Variants in ADAMTS6 observed in about 807,000 individuals in gnomAD.
The protein encoded by ADAMTS6 is ADAM metallopeptidase with thrombospondin type 1 motif 6, also known as A disintegrin and metalloproteinase with thrombospondin motifs 6.
ADAMTS6 carries 23 observed loss-of-function variants against 144.3 expected under a neutral mutation model. The observed-to-expected ratio is 0.16, with a 90% CI of 0.11 to 0.23. The LOEUF (loss-of-function observed/expected upper bound fraction) is 0.23, where lower values mean the gene tolerates loss of function less well. ADAMTS6 is among the 10% of genes least tolerant of loss of function. The pLI, the probability that ADAMTS6 is intolerant of heterozygous loss-of-function variation, is 1.00. For missense variants in ADAMTS6, 999 were observed against 1,379.6 expected, an observed-to-expected ratio of 0.72 and a Z score of 4.37; for synonymous variants, 444 against 457.5, an observed-to-expected ratio of 0.97 and a Z score of 0.38.
intron 7 of ADAMTS6, among the ~76,000 whole-genome samples, chr5:65,446,782 C>T (rs1393083632): frequency 6.6e-6 from 1 of 152,054 alleles, no homozygotes; most frequent in Non-Finnish European, 1.5e-5. Context: ...AGTAGATTAG[C>T]AGTTGCTTAC....
At chr5:65,374,306 A>AG (rs1216216287) in intron 7 of ADAMTS6, among the ~76,000 whole-genome samples, 2 of 151,694 alleles carry the variant, frequency 1.3e-5, no homozygotes, top group Non-Finnish European at 2.9e-5. Context: ...TTAGGAAAAG[A>AG]GGAAGTCAAA....
intron 4 of ADAMTS6, 72 bp downstream of exon 4, chr5:65,460,098 T>C (rs1490012768): frequency 2.6e-6 from 4 of 1,520,794 alleles, no homozygotes; most frequent in Non-Finnish European, 3.5e-6. Flanking sequence ...CTAACCTTAC[T>C]ATACTTGCCA....
rs967386293 is a variant in ADAMTS6 at position 65,230,139 on chromosome 5, T to G, written c.1934-3920A>C. On this transcript the variant is annotated intron_variant, in intron 15 of 24. Coordinates refer to ENST00000381055, the MANE Select transcript of ADAMTS6 (RefSeq NM_197941.4). ...GACTACGATATAAAAAGATGTAGACTGTAACATGAAAAATATAAAATAGAA... is the reference window on the plus strand; with the variant it reads ...GACTACGATATAAAAAGATGTAGACGGTAACATGAAAAATATAAAATAGAA... Among the ~76,000 whole-genome samples the G allele has an allele frequency of 2.0e-5, 3 of 151,594 alleles. No homozygotes were observed. In the Admixed American group the frequency reaches 2.0e-4, roughly 10 times the overall value.
chr5:65,436,428 C>T (rs1390326054), intron 7 of ADAMTS6, among the ~76,000 whole-genome samples: 1 of 152,088 alleles, frequency 6.6e-6, no homozygotes, highest in Non-Finnish European at 1.5e-5. Flanking sequence ...TTTACCTTAG[C>T]GTGGAATCAT....
At chr5:65,320,572 T>G (rs1745516727) in intron 9 of ADAMTS6, among the ~76,000 whole-genome samples, 1 of 151,928 alleles carries the variant, frequency 6.6e-6, no homozygotes, top group East Asian at 1.9e-4. Flanking sequence ...TTTTTACTTT[T>G]AAGTTCAAGG....
intron 7 of ADAMTS6, among the ~76,000 whole-genome samples, chr5:65,422,231 T>C (rs1756107759): frequency 1.3e-5 from 2 of 152,112 alleles, no homozygotes; most frequent in Admixed American, 6.5e-5. Flanking sequence ...CAACAGGAAA[T>C]TGAAGATCAG....
At chr5:65,453,028 CAA>C (rs1195562992) in intron 4 of ADAMTS6, 110 bp from the exon 5 acceptor site, 4 of 819,308 alleles carry the variant, frequency 4.9e-6, no homozygotes, top group East Asian at 2.8e-5. Flanking sequence ...TAAGATTTTT[CAA>C]AGAGAAGAGA....
intron 11 of ADAMTS6, among the ~76,000 whole-genome samples, chr5:65,275,243 GGAAA>G (rs1167570676): frequency 6.8e-5 from 8 of 118,100 alleles, no homozygotes; most frequent in East Asian, 2.3e-4. Flanking sequence ...AAAAAAAAAA[GGAAA>G]GAAAGAGAGA....
At chr5:65,332,310 TATAGAGAG>T (rs1407649712) in intron 8 of ADAMTS6, among the ~76,000 whole-genome samples, 1,378 of 113,538 alleles carry the variant, frequency 0.012, 9 homozygotes, top group Non-Finnish European at 0.019. Context: ...TATATATATA[TATAGAGAG>T]AGAGAGAGAG....
At chr5:65,462,998 C>A (rs1043178799) in intron 3 of ADAMTS6, among the ~76,000 whole-genome samples, 2 of 151,214 alleles carry the variant, frequency 1.3e-5, no homozygotes, top group South Asian at 2.1e-4. Context: ...GAGAATCACT[C>A]GAACCTGGGA....
chr5:65,304,320 G>A (rs565502385), intron 9 of ADAMTS6, among the ~76,000 whole-genome samples: 1 of 152,202 alleles, frequency 6.6e-6, no homozygotes, highest in Non-Finnish European at 1.5e-5. Context: ...GTAATAGGAC[G>A]TTCAGGCTGG....
At chr5:65,475,515 CCGTAATAAGGT>C (rs1008638472) in intron 1 of ADAMTS6, among the ~76,000 whole-genome samples, 1 of 152,078 alleles carries the variant, frequency 6.6e-6, no homozygotes, top group African/African-American at 2.4e-5. Context: ...CTGACAAATG[CCGTAATAAGGT>C]CGTGCAAAGT....
At chr5:65,193,793 C>A (rs1755159928) in intron 21 of ADAMTS6, among the ~76,000 whole-genome samples, 1 of 152,040 alleles carries the variant, frequency 6.6e-6, no homozygotes, top group Non-Finnish European at 1.5e-5. Flanking sequence ...TGCATTATTG[C>A]AGGGGATCAA....
chr5:65,405,561 G>C (rs1461917195), intron 7 of ADAMTS6, among the ~76,000 whole-genome samples: 1 of 152,196 alleles, frequency 6.6e-6, no homozygotes, highest in South Asian at 2.1e-4. Context: ...TTGTAGTATA[G>C]TTTGAAGTCA....
At chr5:65,209,970 T>C (rs868456782) in intron 20 of ADAMTS6, 15 of 171,998 alleles carry the variant, frequency 8.7e-5, no homozygotes, top group Middle Eastern at 3.2e-3. Context: ...ATAGCTCACA[T>C]AACAAACAGA....
chr5:65,381,657 A>C (rs777593801), intron 7 of ADAMTS6, among the ~76,000 whole-genome samples: 1 of 148,718 alleles, frequency 6.7e-6, no homozygotes, highest in Non-Finnish European at 1.5e-5. Context: ...AAGTGCGGGG[A>C]TTACAAGTGT....
intron 10 of ADAMTS6, among the ~76,000 whole-genome samples, chr5:65,294,826 C>T (rs997933340): frequency 6.6e-6 from 1 of 151,832 alleles, no homozygotes; most frequent in Non-Finnish European, 1.5e-5. Flanking sequence ...AGTAATATCC[C>T]TCATTTCCCC....
intron 20 of ADAMTS6, chr5:65,209,983 TA>T (rs1479187423): frequency 5.5e-6 from 1 of 181,074 alleles, no homozygotes; most frequent in Non-Finnish European, 1.2e-5. Context: ...CAAACAGAGA[TA>T]CCATTTGTCA....
chr5:65,196,975 C>A (rs1445636453), intron 21 of ADAMTS6, 47 bp downstream of exon 21: 3 of 1,583,266 alleles, frequency 1.9e-6, no homozygotes, highest in East Asian at 2.2e-5. Flanking sequence ...TAATGTTTTT[C>A]TCTTTGCACC....
Sources: gnomAD v4.1 joint callset for allele counts (sites outside exome capture counted in the v4.1 genomes callset) on GRCh38, gnomAD v4.1.1 for gene constraint, MANE v1.5 for transcripts, NCBI Gene and HGNC (gene_info 2026-07-23, HGNC 2026-07-21) for gene names.